Variants in NUMB observed in about 807,000 individuals in gnomAD.
NUMB encodes NUMB endocytic adaptor protein.
In NUMB, 29 loss-of-function variants were observed where a neutral mutation model predicts 59.7. The ratio of observed to expected loss-of-function variants is 0.49; its 90% CI spans 0.36 to 0.66. The LOEUF (loss-of-function observed/expected upper bound fraction) is 0.66, where lower values mean the gene tolerates loss of function less well. NUMB is among the 30% of genes least tolerant of loss of function. NUMB has a pLI of 0.00. For missense variants in NUMB, 723 were observed against 822.0 expected (o/e 0.88, Z 1.47); for synonymous variants, 288 against 288.2 (o/e 1.00, Z 0.01).
At chr14:73,399,837 A>G (rs567385737) in intron 2 of NUMB, among the ~76,000 whole-genome samples, 1 of 152,288 alleles carries the variant, frequency 6.6e-6, no homozygotes, top group East Asian at 1.9e-4. Context: ...TGAGGTCAGG[A>G]GTTCAAGACC....
intron 12 of NUMB, among the ~76,000 whole-genome samples, chr14:73,278,883 G>T (rs151004721): frequency 0.033 from 4,946 of 151,790 alleles, 304 homozygotes; most frequent in African/African-American, 0.11. Context: ...GCATGCCACC[G>T]CGCCTGGCTA....
chr14:73,312,219 C>A (rs970130492), intron 6 of NUMB, among the ~76,000 whole-genome samples: 3 of 152,010 alleles, frequency 2.0e-5, no homozygotes, highest in Admixed American at 1.3e-4. Context: ...CATGGTGAAA[C>A]CCTGTCTCTA....
chr14:73,278,068 A>AAAC (rs1566722143), intron 12 of NUMB, among the ~76,000 whole-genome samples: 3 of 150,614 alleles, frequency 2.0e-5, no homozygotes, highest in Non-Finnish European at 3.0e-5. Flanking sequence ...AAAAAAAAAA[A>AAAC]CACCTAGCTT....
At chr14:73,395,616 G>A (rs1896094336) in intron 2 of NUMB, among the ~76,000 whole-genome samples, 1 of 152,046 alleles carries the variant, frequency 6.6e-6, no homozygotes, top group African/African-American at 2.4e-5. Flanking sequence ...GCGAGACTCT[G>A]TCTGTAAAAT....
At chr14:73,429,416 CA>C (rs1481021378) in intron 1 of NUMB, among the ~76,000 whole-genome samples, 1 of 152,026 alleles carries the variant, frequency 6.6e-6, no homozygotes, top group African/African-American at 2.4e-5. Context: ...TTGCCTGTTC[CA>C]AAATACCACA....
At chr14:73,348,600 T>G (rs1893034172) in intron 4 of NUMB, among the ~76,000 whole-genome samples, 3 of 152,166 alleles carry the variant, frequency 2.0e-5, no homozygotes, top group Admixed American at 6.5e-5. Context: ...GGTTGTGCGC[T>G]CCTTATGAGA....
Position 73,372,304 on chromosome 14 carries a change from T to TA in NUMB, c.-100-5324_-100-5323insT, listed in dbSNP as rs1359410363. Among the ~76,000 whole-genome samples, 4 of 65,944 alleles carry TA rather than the reference T, an allele frequency of 6.1e-5. No individual in the cohort carries two copies. The East Asian group carries it at 1.4e-3, about 24-fold the overall frequency. 43.3% of individuals were successfully genotyped at this position (65,944 alleles called of 152,430 possible). ...AAAGTTGGAATATATATATATTTCT[T>TA]TTATATATATATATATATATATATA... On this transcript the variant is annotated intron_variant, in intron 2 of 12. Transcript: ENST00000555238.
chr14:73,388,117 A>G (rs1185503789), intron 2 of NUMB, among the ~76,000 whole-genome samples: 1 of 152,126 alleles, frequency 6.6e-6, no homozygotes, highest in Non-Finnish European at 1.5e-5. Context: ...AAAATAAAAT[A>G]AAATAAAACT....
chr14:73,389,289 A>AAC (rs1895719618), intron 2 of NUMB, among the ~76,000 whole-genome samples: 1 of 88,694 alleles, frequency 1.1e-5, no homozygotes, highest in Non-Finnish European at 1.9e-5. Context: ...AAAAAAAAAA[A>AAC]AAAACAAAAA....
intron 2 of NUMB, among the ~76,000 whole-genome samples, chr14:73,406,107 T>A (rs75887152): frequency 3.8e-4 from 58 of 151,780 alleles, no homozygotes; most frequent in African/African-American, 1.2e-3. Context: ...TTTTTTTTTT[T>A]ATTATACTTT....
At chr14:73,289,070 T>C (rs1348627228) in intron 8 of NUMB, among the ~76,000 whole-genome samples, 2 of 152,074 alleles carry the variant, frequency 1.3e-5, no homozygotes, top group South Asian at 4.1e-4. Context: ...ACAAAAGCTT[T>C]GCTGTCTCCC....
At position 73,335,302 on chromosome 14, in the gene NUMB, CAAAA is replaced by C. The variant is rs10556271; in HGVS notation, c.127-12102_127-12099del. Among the ~76,000 whole-genome samples the C allele has an allele frequency of 8.5e-3, 847 of 100,204 alleles. 1 individual carries two copies. The highest frequency in any genetic ancestry group is 0.037 in the South Asian group (117 of 3,124). 65.7% of individuals were successfully genotyped at this position (100,204 alleles called of 152,430 possible). On this transcript the variant is annotated intron_variant, in intron 4 of 12. Transcript: ENST00000555238. ...TAGCTATTTATGCCAGCCAAAAAGACAAAAAAAAAAAAAAAAAAAAAGGAAGACT... is the reference window on the plus strand; with the variant it reads ...TAGCTATTTATGCCAGCCAAAAAGACAAAAAAAAAAAAAAAAAGGAAGACT...
At chr14:73,310,876 T>C (rs1359996215) in intron 6 of NUMB, among the ~76,000 whole-genome samples, 3 of 152,192 alleles carry the variant, frequency 2.0e-5, no homozygotes, top group Admixed American at 6.5e-5. Flanking sequence ...ACTTAGTTCA[T>C]AGGGTTCCTC....
At chr14:73,443,432 C>A (rs1883218723) in intron 1 of NUMB, among the ~76,000 whole-genome samples, 2 of 151,694 alleles carry the variant, frequency 1.3e-5, no homozygotes, top group Admixed American at 6.6e-5. Context: ...CCCATCTCTA[C>A]TAAAATTACA....
chr14:73,422,264 G>T (rs1466393958), intron 1 of NUMB, among the ~76,000 whole-genome samples: 1 of 152,164 alleles, frequency 6.6e-6, no homozygotes, highest in Admixed American at 6.6e-5. Flanking sequence ...TTCATTGAAT[G>T]TCAAAACTGG....
intron 5 of NUMB, among the ~76,000 whole-genome samples, chr14:73,318,984 C>A (rs993107105): frequency 6.6e-6 from 1 of 152,042 alleles, no homozygotes; most frequent in Non-Finnish European, 1.5e-5. Context: ...ATTTAAAAAG[C>A]GCTAGAAGGC....
chr14:73,388,216 G>C (rs1387468102), intron 2 of NUMB, among the ~76,000 whole-genome samples: 1 of 152,162 alleles, frequency 6.6e-6, no homozygotes, highest in Non-Finnish European at 1.5e-5. Flanking sequence ...TTTCGTTTCA[G>C]AAAGTTCTGG....
chr14:73,282,227 G>C (rs1888678948), intron 11 of NUMB, 132 bp downstream of exon 11: 2 of 729,546 alleles, frequency 2.7e-6, no homozygotes, highest in South Asian at 5.1e-5. Flanking sequence ...ATGAATCTAA[G>C]ACATCAAATA....
chr14:73,437,809 G>A (rs928523543), intron 1 of NUMB, among the ~76,000 whole-genome samples: 8 of 152,148 alleles, frequency 5.3e-5, no homozygotes, highest in African/African-American at 1.9e-4. Flanking sequence ...CATTTGTACA[G>A]ATTAAGTCAC....
Sources: allele counts gnomAD v4.1 joint callset (sites outside exome capture counted in the v4.1 genomes callset), GRCh38; gene constraint gnomAD v4.1.1; transcripts MANE v1.5; gene names NCBI Gene and HGNC (gene_info 2026-07-23, HGNC 2026-07-21).